Variants in GLRA3 observed in about 807,000 individuals in gnomAD.
The protein encoded by GLRA3 is glycine receptor subunit alpha-3.
Under a neutral mutation model 60.4 loss-of-function variants are expected in GLRA3, and 44 were observed. That is an observed-to-expected ratio of 0.73 (90% CI 0.57 to 0.94). GLRA3 has a LOEUF of 0.94. GLRA3 is among the 40% of genes least tolerant of loss of function. GLRA3 has a pLI of 0.00. For missense variants in GLRA3, 508 were observed against 564.6 expected (o/e 0.90, Z 1.02); for synonymous variants, 223 against 192.9 (o/e 1.16, Z -1.29).
Position 174,649,836 on chromosome 4 carries a change from TA to T in GLRA3, c.1117-5773del, listed in dbSNP as rs928051350. On this transcript the variant is annotated intron_variant, in intron 9 of 9. Transcript: ENST00000274093. ...GATGCTTTGTTTTTAGTCTCATTGG[TA>T]AAAAAAAAAGTCAAACACAGCATGT... Among the ~76,000 whole-genome samples the T allele has an allele frequency of 7.6e-5, 11 of 144,294 alleles. No homozygotes were observed. The East Asian group carries it at 7.9e-4, about 10-fold the overall frequency. 94.7% of individuals were successfully genotyped at this position (144,294 alleles called of 152,430 possible). A position where few individuals can be genotyped will look rare whatever the true frequency, so the allele number is the denominator to read the frequency against.
At chr4:174,811,695 A>G (rs1740282762) in intron 1 of GLRA3, among the ~76,000 whole-genome samples, 1 of 152,240 alleles carries the variant, frequency 6.6e-6, no homozygotes, top group Admixed American at 6.5e-5. Context: ...CATATGGTGA[A>G]TTAGAAAAAC....
chr4:174,646,847 G>A (rs774835117), intron 9 of GLRA3, among the ~76,000 whole-genome samples: 1 of 152,318 alleles, frequency 6.6e-6, no homozygotes, highest in South Asian at 2.1e-4. Context: ...AATCTCAGCA[G>A]TGGTGGACAG....
At chr4:174,823,818 G>T (rs144019075) in intron 1 of GLRA3, among the ~76,000 whole-genome samples, 2 of 152,204 alleles carry the variant, frequency 1.3e-5, no homozygotes, top group East Asian at 3.9e-4. Context: ...GTGATAGAAA[G>T]ATATTAATAT....
chr4:174,827,471 TAA>T (rs1230264143), intron 1 of GLRA3, among the ~76,000 whole-genome samples: 2 of 151,832 alleles, frequency 1.3e-5, no homozygotes, highest in East Asian at 1.9e-4. Flanking sequence ...ATTTTAACAT[TAA>T]GTTTGTACTC....
intron 3 of GLRA3, among the ~76,000 whole-genome samples, chr4:174,748,418 T>C (rs2111189100): frequency 6.6e-6 from 1 of 152,202 alleles, no homozygotes; most frequent in African/African-American, 2.4e-5. Context: ...TGGCTGTGAA[T>C]AGAAAGAGAA....
chr4:174,791,127 G>T (rs1324775876), intron 1 of GLRA3, among the ~76,000 whole-genome samples: 1 of 151,744 alleles, frequency 6.6e-6, no homozygotes, highest in Non-Finnish European at 1.5e-5. Flanking sequence ...AACATGTAAG[G>T]ATATATGTAT....
intron 3 of GLRA3, among the ~76,000 whole-genome samples, chr4:174,740,363 A>G (rs1310044223): frequency 1.3e-5 from 2 of 152,130 alleles, no homozygotes; most frequent in African/African-American, 4.8e-5. Flanking sequence ...GAGAAACTAC[A>G]CTGAAGGAGC....
chr4:174,796,322 GTA>G (rs1023726388), intron 1 of GLRA3, among the ~76,000 whole-genome samples: 1 of 152,132 alleles, frequency 6.6e-6, no homozygotes, highest in Non-Finnish European at 1.5e-5. Flanking sequence ...ATTGTGTTGT[GTA>G]TAAGCCATCC....
chr4:174,668,239 C>T (rs1418338424), intron 7 of GLRA3, among the ~76,000 whole-genome samples: 1 of 152,124 alleles, frequency 6.6e-6, no homozygotes, highest in African/African-American at 2.4e-5. Flanking sequence ...TACCCAGTCT[C>T]AGGTAGTTCT....
chr4:174,684,078 G>T (rs371718676), intron 5 of GLRA3, among the ~76,000 whole-genome samples: 2 of 152,078 alleles, frequency 1.3e-5, no homozygotes, highest in Non-Finnish European at 2.9e-5. Flanking sequence ...ATGTTGAATA[G>T]AATTGGAGTA....
At chr4:174,810,645 A>G (rs1231427226) in intron 1 of GLRA3, among the ~76,000 whole-genome samples, 1 of 152,106 alleles carries the variant, frequency 6.6e-6, no homozygotes, top group Non-Finnish European at 1.5e-5. Context: ...TGTATTACCT[A>G]AGTAATTGTA....
At chr4:174,816,759 C>T (rs777835984) in intron 1 of GLRA3, among the ~76,000 whole-genome samples, 7 of 151,954 alleles carry the variant, frequency 4.6e-5, no homozygotes, top group Admixed American at 6.5e-5. Context: ...ACATTTTCTT[C>T]ACAGTTATCC....
intron 9 of GLRA3, among the ~76,000 whole-genome samples, chr4:174,652,589 A>AC (rs1176702083): frequency 6.6e-6 from 1 of 151,886 alleles, no homozygotes; most frequent in Admixed American, 6.6e-5. Flanking sequence ...GACAAAAAAA[A>AC]ATTTCAGTCA....
chr4:174,648,641 T>C (rs1362528034), intron 9 of GLRA3, among the ~76,000 whole-genome samples: 3 of 152,008 alleles, frequency 2.0e-5, no homozygotes, highest in Non-Finnish European at 4.4e-5. Flanking sequence ...CAACCAAAAC[T>C]TGGGTAAGCA....
At chr4:174,773,909 T>C (rs553073157) in intron 2 of GLRA3, among the ~76,000 whole-genome samples, 3 of 152,182 alleles carry the variant, frequency 2.0e-5, no homozygotes, top group East Asian at 3.9e-4. Flanking sequence ...GAGAAGGACA[T>C]TGTGGAAAAG....
intron 2 of GLRA3, among the ~76,000 whole-genome samples, chr4:174,784,410 A>G (rs1322493930): frequency 1.4e-5 from 2 of 148,040 alleles, no homozygotes; most frequent in Non-Finnish European, 3.0e-5. Context: ...TGGCACATGT[A>G]TACATATGTA....
chr4:174,807,634 A>C (rs1740102326), intron 1 of GLRA3, among the ~76,000 whole-genome samples: 1 of 152,128 alleles, frequency 6.6e-6, no homozygotes, highest in Non-Finnish European at 1.5e-5. Flanking sequence ...AAGATTCTGA[A>C]AGATTTCCTG....
chr4:174,751,508 G>T (rs1013970054), intron 3 of GLRA3, among the ~76,000 whole-genome samples: 1 of 151,922 alleles, frequency 6.6e-6, no homozygotes, highest in Non-Finnish European at 1.5e-5. Flanking sequence ...TAACATCAAA[G>T]AATAAATTCA....
chr4:174,733,912 G>A (rs1736663830), intron 3 of GLRA3, among the ~76,000 whole-genome samples: 2 of 152,092 alleles, frequency 1.3e-5, no homozygotes, highest in Non-Finnish European at 2.9e-5. Context: ...CACTCAATTT[G>A]TGGCAATGTG....
Sources: allele counts gnomAD v4.1 joint callset (sites outside exome capture counted in the v4.1 genomes callset), GRCh38; gene constraint gnomAD v4.1.1; transcripts MANE v1.5; gene names NCBI Gene and HGNC (gene_info 2026-07-23, HGNC 2026-07-21).